Variants in SV2C observed in about 807,000 individuals in gnomAD.
SV2C encodes solute carrier family 22 member B3.
A neutral mutation model predicts 79.7 loss-of-function variants in SV2C; 49 were observed. That is an observed-to-expected ratio of 0.61 (90% confidence interval 0.49 to 0.78). The LOEUF is 0.78. Ranked by LOEUF, SV2C falls within the 30% of genes least tolerant of loss-of-function variation. SV2C has a pLI of 0.00. For synonymous variants in SV2C, 334 were observed against 333.2 expected (o/e 1.00, Z -0.03); for missense variants, 833 against 912.9 (o/e 0.91, Z 1.13).
the SV2C span, among the ~76,000 whole-genome samples, chr5:76,038,912 T>C: frequency 6.6e-6 from 1 of 152,224 alleles, no homozygotes; most frequent in Non-Finnish European, 1.5e-5. Flanking sequence ...AGATAAGCCA[T>C]GGGAAACTTC....
At chr5:76,167,127 A>G (rs1202625343) in intron 2 of SV2C, among the ~76,000 whole-genome samples, 1 of 152,248 alleles carries the variant, frequency 6.6e-6, no homozygotes, top group Non-Finnish European at 1.5e-5. Flanking sequence ...GGAAAGGAGA[A>G]TAGGCCAGGC....
At chr5:76,145,462 C>G (rs78659111) in intron 2 of SV2C, among the ~76,000 whole-genome samples, 2,386 of 152,142 alleles carry the variant, frequency 0.016, 75 homozygotes, top group African/African-American at 0.055. Flanking sequence ...TTATGATGTC[C>G]AAAGAGAAGA....
At chr5:75,943,068 C>A in the SV2C span, among the ~76,000 whole-genome samples, 4 of 152,144 alleles carry the variant, frequency 2.6e-5, no homozygotes. Flanking sequence ...TGTGTCTGCA[C>A]AGAGCTGGGT....
chr5:75,911,106 G>C, the SV2C span: 1 of 1,489,852 alleles, frequency 6.7e-7, no homozygotes, highest in South Asian at 1.1e-5. Flanking sequence ...ATAATTCTGA[G>C]ATCAAGGAGC....
At chr5:75,914,946 G>A in the SV2C span, among the ~76,000 whole-genome samples, 3 of 152,178 alleles carry the variant, frequency 2.0e-5, no homozygotes, top group African/African-American at 7.2e-5. Context: ...ATGGCAGAAG[G>A]TGAAAGGCAC....
At chr5:75,959,128 C>T in the SV2C span, among the ~76,000 whole-genome samples, 1 of 151,840 alleles carries the variant, frequency 6.6e-6, no homozygotes, top group South Asian at 2.1e-4. Context: ...GTGGTAGCTG[C>T]TGATGATGCA....
At chr5:75,941,571 G>A in the SV2C span, among the ~76,000 whole-genome samples, 1 of 152,132 alleles carries the variant, frequency 6.6e-6, no homozygotes, top group South Asian at 2.1e-4. Context: ...GAAATTTAAG[G>A]TAGGTATATG....
At chr5:75,936,742 A>G in the SV2C span, among the ~76,000 whole-genome samples, 18 of 152,230 alleles carry the variant, frequency 1.2e-4, no homozygotes, top group African/African-American at 4.1e-4. Context: ...TATACCTTAT[A>G]AGGACTAAAG....
intron 4 of SV2C, among the ~76,000 whole-genome samples, chr5:76,257,769 T>C (rs1746333169): frequency 6.6e-6 from 1 of 151,012 alleles, no homozygotes; most frequent in African/African-American, 2.4e-5. Context: ...GTGTGTGGTA[T>C]ATGGGTGTAT....
the SV2C span, among the ~76,000 whole-genome samples, chr5:75,949,804 C>T: frequency 6.6e-6 from 1 of 151,996 alleles, no homozygotes; most frequent in African/African-American, 2.4e-5. Context: ...TCTTTATCTG[C>T]AGTGTGAAAA....
At chr5:75,889,119 G>C in the SV2C span, among the ~76,000 whole-genome samples, 2 of 151,974 alleles carry the variant, frequency 1.3e-5, no homozygotes, top group Non-Finnish European at 2.9e-5. Context: ...TAAGTTCTGG[G>C]ATACATGTGC....
intron 12 of SV2C, among the ~76,000 whole-genome samples, chr5:76,340,234 G>C (rs922497672): frequency 2.0e-5 from 3 of 152,160 alleles, no homozygotes; most frequent in African/African-American, 7.2e-5. Flanking sequence ...GAAAACTAAT[G>C]AATAATCCAC....
the SV2C span, among the ~76,000 whole-genome samples, chr5:75,898,470 C>A: frequency 3.3e-5 from 5 of 152,218 alleles, no homozygotes; most frequent in African/African-American, 1.2e-4. Flanking sequence ...TTCAGTTTGC[C>A]AGTATTTTGT....
At chr5:76,048,337 G>T in the SV2C span, among the ~76,000 whole-genome samples, 1 of 152,152 alleles carries the variant, frequency 6.6e-6, no homozygotes, top group Non-Finnish European at 1.5e-5. Context: ...CAACTCAAAC[G>T]AAGAGAATGA....
the SV2C span, among the ~76,000 whole-genome samples, chr5:75,990,350 A>G: frequency 2.6e-5 from 4 of 151,834 alleles, no homozygotes; most frequent in Non-Finnish European, 5.9e-5. Flanking sequence ...TCCAGTTTCA[A>G]TCTTCTGCAT....
intron 12 of SV2C, among the ~76,000 whole-genome samples, chr5:76,307,766 C>T (rs543049496): frequency 1.3e-5 from 2 of 152,228 alleles, no homozygotes; most frequent in South Asian, 2.1e-4. Context: ...TTTCCTCTGT[C>T]TCCTCCATTC....
the SV2C span, among the ~76,000 whole-genome samples, chr5:75,946,268 T>A: frequency 6.6e-6 from 1 of 152,108 alleles, no homozygotes; most frequent in African/African-American, 2.4e-5. Flanking sequence ...TATGTAAGAA[T>A]TTTATGTTTT....
intron 1 of SV2C, among the ~76,000 whole-genome samples, chr5:76,089,869 C>T (rs936738097): frequency 3.3e-5 from 5 of 152,184 alleles, no homozygotes; most frequent in African/African-American, 1.2e-4. Context: ...TTGTAATCTA[C>T]TCTTTGGGAT....
chr5:75,889,648 A>T, the SV2C span, among the ~76,000 whole-genome samples: 6 of 152,274 alleles, frequency 3.9e-5, no homozygotes, highest in African/African-American at 1.4e-4. Flanking sequence ...AATACAATAC[A>T]GTCGCATTCT....
Sources: allele counts gnomAD v4.1 joint callset (sites outside exome capture counted in the v4.1 genomes callset), GRCh38; gene constraint gnomAD v4.1.1; transcripts MANE v1.5; gene names NCBI Gene and HGNC (gene_info 2026-07-23, HGNC 2026-07-21).